Variants in TASOR2 observed in about 807,000 individuals in gnomAD.
The protein encoded by TASOR2 is protein TASOR 2.
A neutral mutation model predicts 199.5 loss-of-function variants in TASOR2; 84 were observed. The ratio of observed to expected loss-of-function variants is 0.42; its 90% CI spans 0.35 to 0.50. The LOEUF (loss-of-function observed/expected upper bound fraction) is 0.50. Among genes scored for constraint, TASOR2 ranks in the 20% least tolerant of loss-of-function variants. The pLI, the probability that TASOR2 is intolerant of heterozygous loss-of-function variation, is 0.02. For missense variants in TASOR2, 2,796 were observed against 2,835.9 expected, an observed-to-expected ratio of 0.99 and a Z score of 0.32; for synonymous variants, 1,103 against 1,046.6, an observed-to-expected ratio of 1.05 and a Z score of -1.04.
chr10:5,698,323 G>A lies in TASOR2; in HGVS notation c.-288+13148G>A, dbSNP rs1837394275. 6.6e-6 allele frequency among the ~76,000 whole-genome samples: 1 copy of A among 152,136 alleles called. No homozygotes were observed. Among genetic ancestry groups the A allele is most frequent in the South Asian group, 2.1e-4 (1 of 4,830 alleles). Reference sequence around the variant, plus strand: ...GTGAGGGCCACCCCAGCTGAGTTAAGCTGAATTCAATGAACACTGTAGAGA... The same window carrying A: ...GTGAGGGCCACCCCAGCTGAGTTAAACTGAATTCAATGAACACTGTAGAGA... On this transcript the variant is annotated intron_variant, in intron 1 of 20. Transcript: ENST00000328090. This position sits in a 1 kb window ranked among gnomAD's most constrained non-coding sequence, Gnocchi z 4.4.
chr10:5,747,288 A>G, exon 15 of TASOR2: 1 of 1,614,170 alleles, frequency 6.2e-7, no homozygotes, highest in Non-Finnish European at 8.5e-7. Flanking sequence ...TAACAATATC[A>G]CCACCTACAA....
chr10:5,715,868 C>T (rs978708792), intron 2 of TASOR2, among the ~76,000 whole-genome samples: 9 of 152,168 alleles, frequency 5.9e-5, no homozygotes, highest in Admixed American at 6.5e-5. Context: ...GTCTCGATCT[C>T]CTGACCTCAT....
intron 10 of TASOR2, among the ~76,000 whole-genome samples, chr10:5,727,934 A>C (rs1199436953): frequency 6.6e-6 from 1 of 152,182 alleles, no homozygotes; most frequent in Admixed American, 6.5e-5. Flanking sequence ...TAAATAAATG[A>C]GAGTTGACCA....
In TASOR2 at chr10:5,752,979, G is replaced by A. The variant is rs950621490; in HGVS notation, c.6606+2952G>A. Among the ~76,000 whole-genome samples, 2 of 152,144 alleles carry A rather than the reference G, an allele frequency of 1.3e-5. No individual in the cohort carries two copies. Among genetic ancestry groups the A allele is most frequent in the African/African-American group, 2.4e-5 (1 of 41,424 alleles). On this transcript the variant is annotated intron_variant, in intron 15 of 20. Coordinates refer to ENST00000328090, the Ensembl canonical transcript of TASOR2. This position sits in a 1 kb window ranked among gnomAD's most constrained non-coding sequence, Gnocchi z 4.4. ...GTTTTTTCCTCCTAACCACTAGACC[G>A]CCAGAGATGAAGTTTTCTAAAAGAT...
exon 15 of TASOR2, chr10:5,747,246 A>G (rs767028151): frequency 1.2e-5 from 19 of 1,614,096 alleles, no homozygotes; most frequent in Non-Finnish European, 1.4e-5. Flanking sequence ...GCCTAGAGTT[A>G]TCAGAGGAAG....
At chr10:5,755,046 CAAAAAAA>C (rs34884255) in intron 15 of TASOR2, among the ~76,000 whole-genome samples, 3 of 78,124 alleles carry the variant, frequency 3.8e-5, no homozygotes, top group African/African-American at 5.1e-5. Flanking sequence ...ACTCTTGTCT[CAAAAAAA>C]AAAAAAAAAA....
chr10:5,730,379 A>G lies in TASOR2; in HGVS notation c.488-108A>G, dbSNP rs1834650211. 1.2e-6 allele frequency: 1 copy of G among 809,154 alleles called. No individual in the cohort carries two copies. The highest frequency in any genetic ancestry group is 1.7e-5 in the African/African-American group (1 of 58,154). The allele number at this position is 809,154 out of a possible 1,614,324, so 50.1% of individuals were successfully genotyped here. On this transcript the variant is annotated intron_variant, in intron 10 of 20. Transcript: ENST00000328090. The surrounding 1 kb of genome is among the most constrained non-coding windows in gnomAD (Gnocchi z 4.1). The stretch of plus-strand genomic sequence containing the variant: ...TTTAGGTTGTCATTTGAAATACTAT[A>G]ACATATTTAACCATCACATAATTTT...
rs1837498620 is a variant in TASOR2 at position 5,699,161 on chromosome 10, T to C, written c.-287-13662T>C. On this transcript the variant is annotated intron_variant, in intron 1 of 20. Coordinates refer to ENST00000328090, the Ensembl canonical transcript of TASOR2. This position sits in a 1 kb window ranked among gnomAD's most constrained non-coding sequence, Gnocchi z 4.1. ...ATTTGGCATAAAAAGGTATGAAATA[T>C]TGATATATGCTTTAACATGGATGAA... Among the ~76,000 whole-genome samples the C allele has an allele frequency of 6.6e-6, 1 of 152,132 alleles. No homozygotes were observed. The highest frequency in any genetic ancestry group is 2.4e-5 in the African/African-American group (1 of 41,434).
At chr10:5,708,673 C>CT (rs1216752743) in intron 1 of TASOR2, among the ~76,000 whole-genome samples, 3 of 129,374 alleles carry the variant, frequency 2.3e-5, no homozygotes, top group African/African-American at 5.7e-5. Context: ...TCCTTTCTTC[C>CT]TTCCTTCCTT....
chr10:5,697,921 T>C (rs1837354958), intron 1 of TASOR2, among the ~76,000 whole-genome samples: 1 of 152,212 alleles, frequency 6.6e-6, no homozygotes, highest in Non-Finnish European at 1.5e-5. Flanking sequence ...ATTTTTATTA[T>C]TGAAGATATA....
chr10:5,747,609 TGAA>T (rs1388863798), exon 15 of TASOR2: 6 of 1,614,074 alleles, frequency 3.7e-6, no homozygotes, highest in East Asian at 2.2e-5. Flanking sequence ...ATTCTGTAAT[TGAA>T]GAAGTATCAC....
intron 12 of TASOR2, among the ~76,000 whole-genome samples, chr10:5,735,965 C>T (rs1249060914): frequency 6.6e-6 from 1 of 152,092 alleles, no homozygotes; most frequent in Non-Finnish European, 1.5e-5. Flanking sequence ...ATCCAGAATC[C>T]TGTATTTAGT....
intron 14 of TASOR2, among the ~76,000 whole-genome samples, chr10:5,744,319 TTTTGAG>T (rs1836861748): frequency 6.7e-6 from 1 of 149,282 alleles, no homozygotes; most frequent in East Asian, 2.0e-4. Context: ...TTTTGTTTTG[TTTTGAG>T]AAGTCTCACT....
At position 5,720,760 on chromosome 10, in the gene TASOR2, A is replaced by G; in HGVS notation, c.32A>G (p.Glu11Gly). The change falls in exon 5 of 21, where the codon GAA becomes GGA. Residue 11 changes from glutamate (E) to glycine (G), a missense_variant. By Grantham distance (98) the Glu-to-Gly change is moderately conservative. This residue lies in a region of TASOR2 where 847 missense variants were observed against 887.4 expected (regional missense o/e 0.95). Coordinates refer to ENST00000328090, the Ensembl canonical transcript of TASOR2. The surrounding 1 kb of genome is among the most constrained non-coding windows in gnomAD (Gnocchi z 5.3). ...TTTCTTTCTTTTTCTGCTAGACTTG[A>G]ACGCAGTGAAAATGGTAAGAAATAG... The G allele has an allele frequency of 1.2e-6, 2 of 1,612,176 alleles. No homozygotes were observed. The highest frequency in any genetic ancestry group is 2.7e-5 in the African/African-American group (2 of 74,754).
At chr10:5,762,959 A>G in intron 20 of TASOR2, 70 bp from the exon 22 acceptor site, 1 of 1,465,410 alleles carries the variant, frequency 6.8e-7, no homozygotes, top group East Asian at 2.4e-5. Flanking sequence ...CCATTAGAGC[A>G]TCCCGCTTAT....
At chr10:5,712,783 T>C in intron 1 of TASOR2, 40 bp from the exon 2 acceptor site, 1 of 1,040,918 alleles carries the variant, frequency 9.6e-7, no homozygotes, top group Non-Finnish European at 1.2e-6. Context: ...CAAAATAGTA[T>C]GTTTATAGCG....
chr10:5,707,147 G>A (rs1489372379), intron 1 of TASOR2, among the ~76,000 whole-genome samples: 1 of 152,190 alleles, frequency 6.6e-6, no homozygotes, highest in African/African-American at 2.4e-5. Context: ...TGATGCCAGT[G>A]CACCATGCCT....
Position 5,720,991 on chromosome 10 carries a change from C to G in TASOR2, c.146+21C>G, listed in dbSNP as rs549690338. 6 of 1,560,544 alleles carry G rather than the reference C, an allele frequency of 3.8e-6. No individual in the cohort carries two copies. The African/African-American group carries it at 5.5e-5, about 14-fold the overall frequency. On this transcript the variant is annotated intron_variant, in intron 6 of 20. Transcript: ENST00000328090. The surrounding 1 kb of genome is among the most constrained non-coding windows in gnomAD (Gnocchi z 5.3). ...CAGCTGTAAGTATTAAATGTTATGT[C>G]CTTTACTAATGCTTATATTACAAGT...
chr10:5,744,010 TGTTGA>T (rs956620034), intron 14 of TASOR2: 5 of 152,256 alleles, frequency 3.3e-5, no homozygotes, highest in African/African-American at 1.2e-4. Flanking sequence ...GCTAGTCATG[TGTTGA>T]GTTGAGCACT....
Sources: gnomAD v4.1 joint callset for allele counts (sites outside exome capture counted in the v4.1 genomes callset) on GRCh38, gnomAD v4.1.1 for gene constraint, gnomAD v4.1.1 regional missense constraint, Gnocchi (gnomAD v3.1) non-coding constraint, MANE v1.5 for transcripts, NCBI Gene and HGNC (gene_info 2026-07-23, HGNC 2026-07-21) for gene names.